The following EGFL6 variants were observed in gnomAD, a reference collection of about 807,000 sequenced individuals.
EGFL6 encodes epidermal growth factor-like protein 6.
In EGFL6, 42 loss-of-function variants were observed where a neutral mutation model predicts 43.1. The ratio of observed to expected loss-of-function variants is 0.98; its 90% CI spans 0.76 to 1.26. The LOEUF is 1.26. EGFL6 is among the 50% of genes most tolerant of loss of function. EGFL6 has a pLI of 0.00. For missense variants in EGFL6, 429 were observed against 427.8 expected, an observed-to-expected ratio of 1.00 and a Z score of -0.02; for synonymous variants, 164 against 163.2, an observed-to-expected ratio of 1.01 and a Z score of -0.04.
chrX:13,570,833 C>CTAG (rs1290021706), intron 1 of EGFL6, among the ~76,000 whole-genome samples: 1 of 111,789 alleles, frequency 8.9e-6, no homozygotes, highest in African/African-American at 3.3e-5. Context: ...GGGTGCAAAC[C>CTAG]TAGGTATTCT....
rs2045660291 is a variant in EGFL6 at position 13,606,365 on chromosome X, T to G, written c.521-14T>G. On this transcript the variant is annotated splice_polypyrimidine_tract_variant and intron_variant, in intron 5 of 11. Coordinates refer to ENST00000361306, the MANE Select transcript of EGFL6 (RefSeq NM_015507.4). ...TCTTGCTATCACTGACACCTTCTGG[T>G]TTTTACACCCTAGATATTGATGAAT... 3.3e-6 allele frequency: 4 copies of G among 1,205,560 alleles called. No individual in the cohort carries two copies. Among genetic ancestry groups the G allele is most frequent in the Non-Finnish European group, 4.5e-6 (4 of 892,585 alleles).
intron 3 of EGFL6, among the ~76,000 whole-genome samples, chrX:13,598,862 T>TCA (rs1304949637): frequency 3.4e-5 from 2 of 59,639 alleles, no homozygotes; most frequent in Admixed American, 3.7e-4. Flanking sequence ...CATATATAAT[T>TCA]CATATATATT....
At chrX:13,618,726 T>G (rs775672832) in intron 8 of EGFL6, among the ~76,000 whole-genome samples, 1 of 111,112 alleles carries the variant, frequency 9.0e-6, no homozygotes, top group South Asian at 3.8e-4. Flanking sequence ...TGTTGCTCCC[T>G]CTATATTTTG....
chrX:13,578,794 G>A (rs1602636734), intron 1 of EGFL6, among the ~76,000 whole-genome samples: 2 of 108,088 alleles, frequency 1.9e-5, no homozygotes, highest in South Asian at 8.0e-4. Flanking sequence ...TGGGGGCAGC[G>A]GGGAGGGATA....
intron 1 of EGFL6, among the ~76,000 whole-genome samples, chrX:13,570,168 GC>G (rs1288121544): frequency 1.8e-5 from 2 of 111,699 alleles, no homozygotes; most frequent in Non-Finnish European, 3.8e-5. Flanking sequence ...CATCAGCTGT[GC>G]CCCACCTGGC....
chrX:13,611,254 A>G (rs148727546), intron 7 of EGFL6, among the ~76,000 whole-genome samples: 1 of 111,879 alleles, frequency 8.9e-6, no homozygotes, highest in African/African-American at 3.3e-5. Flanking sequence ...TAATATAGAG[A>G]GAGAGCTTAG....
rs142725131 is a variant in EGFL6 at position 13,623,852 on chromosome X, C to T, written c.1212C>T (p.Phe404=). The T allele has an allele frequency of 3.5e-4, 427 of 1,207,141 alleles. No individual in the cohort carries two copies. Among genetic ancestry groups the T allele is most frequent in the Non-Finnish European group, 4.7e-4 (416 of 893,211 alleles). Residue 404 remains phenylalanine (F), a synonymous_variant, in exon 10 of 12, where the codon TTC becomes TTT. Transcript: ENST00000361306. ...KDLNISVDCS[F]NHGICDWKQD... ...TAAATATCTCGGTTGACTGCAGCTT[C>T]AATCATGGGATCTGTGACTGGAAAC...
At chrX:13,614,408 G>A (rs1048172714) in intron 7 of EGFL6, among the ~76,000 whole-genome samples, 1 of 111,873 alleles carries the variant, frequency 8.9e-6, no homozygotes, top group Non-Finnish European at 1.9e-5. Flanking sequence ...CCAGGACTGT[G>A]TCCAAAGCTC....
intron 10 of EGFL6, among the ~76,000 whole-genome samples, chrX:13,624,858 G>A (rs2045769874): frequency 2.7e-5 from 3 of 111,863 alleles, no homozygotes; most frequent in Admixed American, 1.9e-4. Context: ...TGAACTTGGG[G>A]TTAGGGGAGA....
chrX:13,606,197 T>TAAAATA (rs1177902410), intron 5 of EGFL6, among the ~76,000 whole-genome samples, 182 bp from the exon 6 acceptor site: 2 of 111,803 alleles, frequency 1.8e-5, no homozygotes, highest in African/African-American at 6.5e-5. Flanking sequence ...TATAAATACA[T>TAAAATA]AAAGTGAAGA....
At chrX:13,626,983 A>G in intron 10 of EGFL6, 28 bp from the exon 11 acceptor site, 1 of 1,200,561 alleles carries the variant, frequency 8.3e-7, no homozygotes, top group South Asian at 1.8e-5. Flanking sequence ...TGCCTCATTA[A>G]TTGTGCATTT....
At chrX:13,577,050 G>C (rs2045475408) in intron 1 of EGFL6, among the ~76,000 whole-genome samples, 2 of 110,001 alleles carry the variant, frequency 1.8e-5, no homozygotes, top group Non-Finnish European at 3.8e-5. Context: ...CTGAACAGTT[G>C]ATGTGCCCAA....
rs1049495290 is a variant in EGFL6, at chrX:13,633,565, C to A, written c.*470C>A. ...TTTAAATTCTTTGTAATAATAATAT[C>A]CAAATCATCATCTTGTGTCATGGTT... On this transcript the variant is annotated 3_prime_UTR_variant, in exon 12 of 12. Coordinates refer to ENST00000361306, the MANE Select transcript of EGFL6 (RefSeq NM_015507.4). The A allele has an allele frequency of 6.2e-5, 7 of 112,238 alleles. No homozygotes were observed. Among genetic ancestry groups the A allele is most frequent in the African/African-American group, 2.3e-4 (7 of 30,887 alleles). 9.2% of individuals were successfully genotyped at this position (112,238 alleles called of 1,213,427 possible). A position where few individuals can be genotyped will look rare whatever the true frequency, so the allele number is the denominator to read the frequency against.
intron 11 of EGFL6, among the ~76,000 whole-genome samples, chrX:13,630,314 T>C (rs1169048920): frequency 8.9e-6 from 1 of 111,906 alleles, no homozygotes; most frequent in Non-Finnish European, 1.9e-5. Flanking sequence ...GGTAAAAATA[T>C]AGTGAAAAAC....
At position 13,591,676 on chromosome X, in the gene EGFL6, G is replaced by A. The variant is rs184826363; in HGVS notation, c.187+2008G>A. Among the ~76,000 whole-genome samples, 213 of 110,753 alleles carry A rather than the reference G, an allele frequency of 1.9e-3. 3 individuals carry two copies. The highest frequency in any genetic ancestry group is 6.6e-3 in the African/African-American group (201 of 30,444). On this transcript the variant is annotated intron_variant, in intron 2 of 11. Transcript: ENST00000361306. ...ACATCAACCTGCCCCAACAAGGAGA[G>A]CCAGACCCCAGGCTGTGAGGTCACA...
chrX:13,584,494 T>C (rs1303052252), intron 1 of EGFL6, among the ~76,000 whole-genome samples: 1 of 111,779 alleles, frequency 8.9e-6, no homozygotes, highest in Non-Finnish European at 1.9e-5. Context: ...CAAATATAGT[T>C]CTGCTTCCTG....
At chrX:13,578,627 T>G (rs1035009546) in intron 1 of EGFL6, among the ~76,000 whole-genome samples, 3 of 110,834 alleles carry the variant, frequency 2.7e-5, no homozygotes, top group African/African-American at 9.9e-5. Context: ...ATATCCTTTG[T>G]AGGGACGTGG....
intron 8 of EGFL6, among the ~76,000 whole-genome samples, chrX:13,618,900 A>C (rs369254095): frequency 2.8e-5 from 3 of 105,581 alleles, no homozygotes; most frequent in South Asian, 4.1e-4. Flanking sequence ...AAAAAAAAAA[A>C]CATATTTCCA....
At position 13,584,044 on chromosome X, in the gene EGFL6, C is replaced by T. The variant is rs180985076; in HGVS notation, c.75-5512C>T. On this transcript the variant is annotated intron_variant, in intron 1 of 11. Transcript: ENST00000361306. ...CATTTACTGTGTTAGTCACCATTCA[C>T]AGCCCTTTACATATATTTAATGATT... 2.8e-3 allele frequency among the ~76,000 whole-genome samples: 311 copies of T among 112,434 alleles called. 3 individuals are homozygous for T. The highest frequency in any genetic ancestry group is 9.5e-3 in the African/African-American group (295 of 30,989).
Sources: gnomAD v4.1 joint callset for allele counts (sites outside exome capture counted in the v4.1 genomes callset) on GRCh38, gnomAD v4.1.1 for gene constraint, MANE v1.5 for transcripts, NCBI Gene and HGNC (gene_info 2026-07-23, HGNC 2026-07-21) for gene names.